Variants in UNC79 observed in about 807,000 individuals in gnomAD.
The protein encoded by UNC79 is unc-79 subunit of NALCN channel complex, also known as protein unc-79 homolog.
Under a neutral mutation model 283.1 loss-of-function variants are expected in UNC79, and 37 were observed. The ratio of observed to expected loss-of-function variants is 0.13; its 90% CI spans 0.10 to 0.17. The LOEUF is 0.17. Ranked by LOEUF, UNC79 falls within the 10% of genes least tolerant of loss-of-function variation. The pLI is 1.00. For synonymous variants in UNC79, 1,107 were observed against 1,200.2 expected (o/e 0.92, Z 1.61); for missense variants, 2,272 against 3,211.1 (o/e 0.71, Z 7.07).
chr14:93,697,500 T>A (rs1467365892), intron 47 of UNC79, among the ~76,000 whole-genome samples: 1 of 152,184 alleles, frequency 6.6e-6, no homozygotes, highest in Non-Finnish European at 1.5e-5. Context: ...TTCATTGAAA[T>A]CAGGTAGTGT....
chr14:93,372,081 A>G (rs1362680941), intron 1 of UNC79, among the ~76,000 whole-genome samples: 1 of 152,234 alleles, frequency 6.6e-6, no homozygotes, highest in Non-Finnish European at 1.5e-5. Context: ...GAGAGAAGGA[A>G]AATAATATAG....
chr14:93,698,086 G>T (rs2075278221), intron 47 of UNC79, among the ~76,000 whole-genome samples: 1 of 152,154 alleles, frequency 6.6e-6, no homozygotes, highest in Admixed American at 6.5e-5. Context: ...ATGTATCAGA[G>T]AATATACTTT....
chr14:93,431,089 G>A (rs1439276558), intron 1 of UNC79, 38 bp downstream of exon 1: 3 of 699,368 alleles, frequency 4.3e-6, no homozygotes, highest in South Asian at 3.0e-5. Context: ...GCCCGGCCTC[G>A]GCTGGGAGCT....
chr14:93,441,155 A>C (rs2056286470), intron 1 of UNC79, among the ~76,000 whole-genome samples: 1 of 152,016 alleles, frequency 6.6e-6, no homozygotes, highest in South Asian at 2.1e-4. Flanking sequence ...CTTCATTGTG[A>C]ATTGTAGCCT....
At chr14:93,702,876 T>C (rs2075629947) in intron 47 of UNC79, among the ~76,000 whole-genome samples, 1 of 152,254 alleles carries the variant, frequency 6.6e-6, no homozygotes, top group Non-Finnish European at 1.5e-5. Context: ...ACCTCCACAG[T>C]GGCTCTTGCC....
intron 26 of UNC79, among the ~76,000 whole-genome samples, chr14:93,610,736 G>A (rs940067934): frequency 2.0e-4 from 30 of 151,628 alleles, no homozygotes; most frequent in African/African-American, 7.0e-4. Context: ...TCAGCCTCCC[G>A]AGTAGCTGGG....
chr14:93,402,276 C>CAAAAA (rs1232880016), intron 1 of UNC79, among the ~76,000 whole-genome samples: 30 of 64,118 alleles, frequency 4.7e-4, no homozygotes, highest in East Asian at 1.5e-3. Flanking sequence ...GACTCTGTCT[C>CAAAAA]AAAAAAAAAA....
At chr14:93,488,497 TG>T (rs200048983) in intron 5 of UNC79, among the ~76,000 whole-genome samples, 5 of 130,900 alleles carry the variant, frequency 3.8e-5, no homozygotes, top group East Asian at 2.0e-4. Flanking sequence ...AGTGACACTG[TG>T]GTTTTTTTTT....
At chr14:93,355,196 G>GC (rs942479306) in intron 1 of UNC79, among the ~76,000 whole-genome samples, 1 of 150,862 alleles carries the variant, frequency 6.6e-6, no homozygotes, top group East Asian at 1.9e-4. Flanking sequence ...TGCCCGGCTA[G>GC]TTTTTTTTTC....
At chr14:93,378,484 G>GT (rs528124618) in intron 1 of UNC79, among the ~76,000 whole-genome samples, 71 of 148,210 alleles carry the variant, frequency 4.8e-4, no homozygotes, top group East Asian at 1.8e-3. Context: ...TTCAGATTTT[G>GT]TTTTTTTTTC....
At chr14:93,608,279 C>T (rs574937675) in intron 26 of UNC79, among the ~76,000 whole-genome samples, 15 of 152,222 alleles carry the variant, frequency 9.9e-5, no homozygotes, top group Non-Finnish European at 1.5e-4. Context: ...GTATGAACAT[C>T]AGTAAACTCT....
At chr14:93,510,308 A>G (rs2059760252) in intron 7 of UNC79, among the ~76,000 whole-genome samples, 1 of 152,138 alleles carries the variant, frequency 6.6e-6, no homozygotes. Context: ...GGATATTAAC[A>G]TTTGGTTCCT....
intron 1 of UNC79, among the ~76,000 whole-genome samples, chr14:93,451,019 C>G (rs2056621681): frequency 6.6e-6 from 1 of 151,880 alleles, no homozygotes; most frequent in African/African-American, 2.4e-5. Context: ...TGTTTTTTAT[C>G]TACAAAAACT....
intron 7 of UNC79, among the ~76,000 whole-genome samples, chr14:93,523,036 G>T (rs1422003866): frequency 1.3e-5 from 2 of 152,100 alleles, no homozygotes; most frequent in African/African-American, 4.8e-5. Context: ...AAATTCCCAC[G>T]TATTAAGAAT....
intron 2 of UNC79, among the ~76,000 whole-genome samples, chr14:93,470,798 C>T (rs1022849195): frequency 3.3e-5 from 5 of 152,158 alleles, no homozygotes; most frequent in Admixed American, 2.0e-4. Flanking sequence ...AAGTAACTAC[C>T]AAGACCATCC....
chr14:93,515,645 T>A (rs2060019467), intron 7 of UNC79, among the ~76,000 whole-genome samples: 1 of 152,146 alleles, frequency 6.6e-6, no homozygotes, highest in Admixed American at 6.5e-5. Context: ...TATTTATCTT[T>A]CCCTCTATAT....
chr14:93,672,783 A>G (rs1173056787), intron 40 of UNC79, among the ~76,000 whole-genome samples: 1 of 152,232 alleles, frequency 6.6e-6, no homozygotes, highest in African/African-American at 2.4e-5. Context: ...CCCCATAAAT[A>G]TGTACAAATA....
intron 23 of UNC79, among the ~76,000 whole-genome samples, chr14:93,594,121 A>G (rs1282484034): frequency 6.6e-6 from 1 of 152,142 alleles, no homozygotes. Context: ...TTTACTCCCA[A>G]ACAGACACTG....
intron 18 of UNC79, among the ~76,000 whole-genome samples, 185 bp from the exon 19 acceptor site, chr14:93,579,964 G>C (rs1221863973): frequency 6.6e-6 from 1 of 152,074 alleles, no homozygotes; most frequent in Admixed American, 6.6e-5. Context: ...AAAACCCACG[G>C]ACAGCAATGT....
Sources: gnomAD v4.1 joint callset for allele counts (sites outside exome capture counted in the v4.1 genomes callset) on GRCh38, gnomAD v4.1.1 for gene constraint, MANE v1.5 for transcripts, NCBI Gene and HGNC (gene_info 2026-07-23, HGNC 2026-07-21) for gene names.